Variants in YEATS4 observed in about 807,000 individuals in gnomAD.
YEATS4 encodes YEATS domain-containing protein 4.
In YEATS4, 17 loss-of-function variants were observed where a neutral mutation model predicts 30.1. That is an observed-to-expected ratio of 0.56 (90% CI 0.39 to 0.85). YEATS4 has a LOEUF of 0.85. YEATS4 is among the 40% of genes least tolerant of loss of function. The pLI, the probability that YEATS4 is intolerant of heterozygous loss-of-function variation, is 0.00. For missense variants in YEATS4, 142 were observed against 268.3 expected, an observed-to-expected ratio of 0.53 and a Z score of 3.29; for synonymous variants, 85 against 87.5, an observed-to-expected ratio of 0.97 and a Z score of 0.16.
the YEATS4 span, among the ~76,000 whole-genome samples, chr12:69,415,432 G>T: frequency 6.6e-6 from 1 of 152,072 alleles, no homozygotes; most frequent in African/African-American, 2.4e-5. Context: ...AAAATTAGCC[G>T]AGTATGGTGG....
intron 6 of YEATS4, 99 bp downstream of exon 6, chr12:69,371,074 G>T: frequency 8.5e-7 from 1 of 1,177,180 alleles, no homozygotes; most frequent in Non-Finnish European, 1.2e-6. Flanking sequence ...AAATGAAATA[G>T]GTAAGTTTTT....
At chr12:69,407,069 C>G in the YEATS4 span, among the ~76,000 whole-genome samples, 3 of 152,160 alleles carry the variant, frequency 2.0e-5, no homozygotes, top group African/African-American at 7.2e-5. Context: ...CCCACCTTGC[C>G]CTCCCAAACT....
At chr12:69,399,470 G>T in the YEATS4 span, among the ~76,000 whole-genome samples, 1 of 152,186 alleles carries the variant, frequency 6.6e-6, no homozygotes, top group African/African-American at 2.4e-5. Flanking sequence ...TAGAATGGCT[G>T]CAATAAAAGA....
chr12:69,389,900 A>G (rs1868297042), intron 6 of YEATS4, among the ~76,000 whole-genome samples: 1 of 152,146 alleles, frequency 6.6e-6, no homozygotes, highest in Non-Finnish European at 1.5e-5. Context: ...TTATGTCTTA[A>G]AATTTTAACT....
intron 1 of YEATS4, among the ~76,000 whole-genome samples, 153 bp downstream of exon 1, chr12:69,360,176 A>G (rs1875135439): frequency 6.6e-6 from 1 of 152,078 alleles, no homozygotes; most frequent in African/African-American, 2.4e-5. Context: ...AGAGCCATTG[A>G]GCGAAAAACC....
At chr12:69,367,022 G>A (rs1875461140) in intron 4 of YEATS4, among the ~76,000 whole-genome samples, 2 of 152,194 alleles carry the variant, frequency 1.3e-5, no homozygotes, top group African/African-American at 4.8e-5. Context: ...ACCCAATGAC[G>A]TAGACTTACT....
At chr12:69,416,808 C>G in the YEATS4 span, among the ~76,000 whole-genome samples, 1 of 152,232 alleles carries the variant, frequency 6.6e-6, no homozygotes, top group Non-Finnish European at 1.5e-5. Context: ...GGCGGTGGCT[C>G]ATGCTTGTAA....
intron 6 of YEATS4, among the ~76,000 whole-genome samples, chr12:69,383,044 T>C (rs946632581): frequency 2.6e-5 from 4 of 152,124 alleles, no homozygotes; most frequent in African/African-American, 7.2e-5. Context: ...GAGGATTGCC[T>C]GAGCCCAGGA....
intron 6 of YEATS4, among the ~76,000 whole-genome samples, chr12:69,378,744 G>A (rs550158696): frequency 2.6e-4 from 39 of 152,082 alleles, no homozygotes; most frequent in Non-Finnish European, 4.4e-4. Flanking sequence ...TTGAAAAATT[G>A]TAGTTATTAT....
chr12:69,411,235 T>G, the YEATS4 span, among the ~76,000 whole-genome samples: 1 of 152,176 alleles, frequency 6.6e-6, no homozygotes, highest in Admixed American at 6.5e-5. Flanking sequence ...GCTCAGGTGA[T>G]CCTCCCACCT....
the YEATS4 span, among the ~76,000 whole-genome samples, chr12:69,399,348 T>C: frequency 2.0e-5 from 3 of 152,220 alleles, no homozygotes; most frequent in South Asian, 4.1e-4. Context: ...GGCAAAAAAT[T>C]TGAATACACA....
the YEATS4 span, among the ~76,000 whole-genome samples, chr12:69,395,928 G>C: frequency 6.6e-6 from 1 of 152,072 alleles, no homozygotes; most frequent in African/African-American, 2.4e-5. Context: ...TCCTGCCCCA[G>C]CCTGGACTCT....
the YEATS4 span, among the ~76,000 whole-genome samples, chr12:69,411,427 G>A: frequency 5.5e-4 from 84 of 152,332 alleles, no homozygotes; most frequent in Non-Finnish European, 6.8e-4. Flanking sequence ...ACCATGCCAG[G>A]CCCAGGTACT....
intron 6 of YEATS4, among the ~76,000 whole-genome samples, chr12:69,385,665 T>A (rs1177409887): frequency 2.6e-5 from 4 of 152,156 alleles, no homozygotes; most frequent in Non-Finnish European, 5.9e-5. Flanking sequence ...TTAATAGTAT[T>A]TTTATAGAGA....
Position 69,364,953 on chromosome 12 carries a change from A to G in YEATS4, c.172-680A>G, listed in dbSNP as rs147840654. ...ATAATTTTGTTCTTTGAAATTGACT[A>G]TAGATTTGCCTTATATTTCTGTAAT... On this transcript the variant is annotated intron_variant, in intron 2 of 6. Coordinates refer to ENST00000247843, the MANE Select transcript of YEATS4 (RefSeq NM_006530.4). 3.4e-3 allele frequency among the ~76,000 whole-genome samples: 524 copies of G among 152,188 alleles called. 2 individuals are homozygous for G. The highest frequency in any genetic ancestry group is 0.031 in the Middle Eastern group (9 of 294).
chr12:69,365,747 A>G lies in YEATS4; in HGVS notation c.239-43A>G, dbSNP rs369790033. ...ACAATATCCAAAGTTAAAAATGGCT[A>G]GGAAACTAAACCGATAATTTACTAT... On this transcript the variant is annotated intron_variant, in intron 3 of 6. Coordinates refer to ENST00000247843, the MANE Select transcript of YEATS4 (RefSeq NM_006530.4). 4.3e-5 allele frequency: 68 copies of G among 1,593,100 alleles called. No homozygotes were observed. In the South Asian group the frequency reaches 5.5e-4, roughly 13 times the overall value.
rs1362190143 is a variant in YEATS4 at position 69,360,030 on chromosome 12, G to T, written c.51+7G>T. The T allele has an allele frequency of 9.3e-6, 15 of 1,612,568 alleles. No individual in the cohort carries two copies. The East Asian group carries it at 2.9e-4, about 31-fold the overall frequency. The stretch of plus-strand genomic sequence containing the variant: ...CTCCGGCGGGAGAGTAAAGGTCAGT[G>T]CCCGGACCGCCCCTCTTCCGGGGTG... On this transcript the variant is annotated splice_region_variant and intron_variant, in intron 1 of 6. Transcript: ENST00000247843.
intron 2 of YEATS4, among the ~76,000 whole-genome samples, chr12:69,365,356 C>T (rs1484715227): frequency 6.6e-6 from 1 of 150,960 alleles, no homozygotes; most frequent in Admixed American, 6.6e-5. Context: ...GAGGCTGAGG[C>T]AGGAGAATTG....
At position 69,390,332 on chromosome 12, in the gene YEATS4, A is replaced by C. The variant is rs1868302725; in HGVS notation, c.*16A>C. On this transcript the variant is annotated 3_prime_UTR_variant, in exon 7 of 7. Coordinates refer to ENST00000247843, the MANE Select transcript of YEATS4 (RefSeq NM_006530.4). ...AGACATATAAACAGTTCTCATGAGA[A>C]CTTGGTAGTAAGCTAAACTGAAAAT... 1 of 1,543,978 alleles carries C rather than the reference A, an allele frequency of 6.5e-7. No individual in the cohort carries two copies. Among genetic ancestry groups the C allele is most frequent in the Admixed American group, 2.3e-5 (1 of 43,106 alleles).
Sources: allele counts gnomAD v4.1 joint callset (sites outside exome capture counted in the v4.1 genomes callset), GRCh38; gene constraint gnomAD v4.1.1; transcripts MANE v1.5; gene names NCBI Gene and HGNC (gene_info 2026-07-23, HGNC 2026-07-21).